The following QTMAN variants were observed in gnomAD, a reference collection of about 807,000 sequenced individuals.
The protein encoded by QTMAN is tRNA-queuosine alpha-mannosyltransferase.
At chr2:144,057,492 T>C in the QTMAN span, among the ~76,000 whole-genome samples, 1 of 152,232 alleles carries the variant, frequency 6.6e-6, no homozygotes, top group Non-Finnish European at 1.5e-5. Flanking sequence ...CCTCAAAAAA[T>C]CATGATGATC....
chr2:144,007,360 G>A, the QTMAN span: 1 of 1,613,140 alleles, frequency 6.2e-7, no homozygotes, highest in Non-Finnish European at 8.5e-7. Flanking sequence ...AAATATTCTT[G>A]TCGTGCAGTA....
chr2:144,266,187 G>C, the QTMAN span, among the ~76,000 whole-genome samples: 2 of 152,186 alleles, frequency 1.3e-5, no homozygotes, highest in African/African-American at 4.8e-5. Flanking sequence ...GAAAATGATG[G>C]AAAGGAAACT....
the QTMAN span, among the ~76,000 whole-genome samples, chr2:144,003,235 C>T: frequency 6.6e-6 from 1 of 151,692 alleles, no homozygotes; most frequent in African/African-American, 2.4e-5. Flanking sequence ...GTCTTGAGAC[C>T]AAAGAGTTTG....
the QTMAN span, among the ~76,000 whole-genome samples, chr2:143,965,054 C>G: frequency 4.0e-5 from 6 of 148,618 alleles, no homozygotes; most frequent in African/African-American, 7.5e-5. Context: ...GCATTTTGTT[C>G]TTCTTCTTTT....
the QTMAN span, among the ~76,000 whole-genome samples, chr2:144,234,832 GTGGGGGAGTGAGAACA>G: frequency 6.6e-6 from 1 of 152,314 alleles, no homozygotes; most frequent in African/African-American, 2.4e-5. Context: ...GAGAAAGGCA[GTGGGGGAGTGAGAACA>G]TGGGGAAGGA....
the QTMAN span, among the ~76,000 whole-genome samples, chr2:144,099,646 A>G: frequency 2.0e-5 from 3 of 152,148 alleles, no homozygotes; most frequent in Non-Finnish European, 4.4e-5. Flanking sequence ...TCTTCCATGT[A>G]TCCTGTACCT....
the QTMAN span, among the ~76,000 whole-genome samples, chr2:144,144,986 G>A: frequency 6.6e-6 from 1 of 151,302 alleles, no homozygotes; most frequent in Non-Finnish European, 1.5e-5. Context: ...TAACAATAGA[G>A]GACCATCACC....
the QTMAN span, among the ~76,000 whole-genome samples, chr2:144,076,500 A>T: frequency 6.6e-6 from 1 of 152,204 alleles, no homozygotes; most frequent in Non-Finnish European, 1.5e-5. Flanking sequence ...AATTGATGCC[A>T]CAGGACAGAC....
At chr2:144,167,964 A>C in the QTMAN span, among the ~76,000 whole-genome samples, 4 of 152,092 alleles carry the variant, frequency 2.6e-5, no homozygotes, top group Non-Finnish European at 5.9e-5. Flanking sequence ...ACAAAGATTG[A>C]GTATCTTCTT....
the QTMAN span, chr2:144,332,472 T>C: frequency 6.8e-6 from 1 of 147,718 alleles, no homozygotes; most frequent in Admixed American, 6.7e-5. Flanking sequence ...CTCTCCCTCC[T>C]GGCCACCGGC....
the QTMAN span, among the ~76,000 whole-genome samples, chr2:144,069,111 C>G: frequency 6.6e-6 from 1 of 152,018 alleles, no homozygotes; most frequent in Non-Finnish European, 1.5e-5. Flanking sequence ...TATAGAAATG[C>G]TCAACACATC....
chr2:144,198,195 C>A, the QTMAN span, among the ~76,000 whole-genome samples: 1 of 152,008 alleles, frequency 6.6e-6, no homozygotes, highest in Non-Finnish European at 1.5e-5. Context: ...CTACTATACT[C>A]CAATAGAGCA....
the QTMAN span, among the ~76,000 whole-genome samples, chr2:144,191,475 G>C: frequency 6.6e-6 from 1 of 152,134 alleles, no homozygotes; most frequent in African/African-American, 2.4e-5. Context: ...TGGAGTATTA[G>C]AAAATCGCCT....
chr2:144,323,304 TAAAAC>T, the QTMAN span, among the ~76,000 whole-genome samples: 2 of 152,192 alleles, frequency 1.3e-5, no homozygotes, highest in African/African-American at 4.8e-5. Flanking sequence ...CAGCAAATAT[TAAAAC>T]AAAGTATGCT....
At chr2:144,295,668 A>G in the QTMAN span, among the ~76,000 whole-genome samples, 1 of 152,168 alleles carries the variant, frequency 6.6e-6, no homozygotes, top group Non-Finnish European at 1.5e-5. Context: ...GCTGGAGTGC[A>G]GTGGCAAGAC....
the QTMAN span, among the ~76,000 whole-genome samples, chr2:144,139,748 A>G: frequency 6.6e-6 from 1 of 152,094 alleles, no homozygotes; most frequent in African/African-American, 2.4e-5. Flanking sequence ...GGTGACAGAC[A>G]TGCTCTGAGT....
At chr2:144,064,862 T>C in the QTMAN span, among the ~76,000 whole-genome samples, 2 of 152,200 alleles carry the variant, frequency 1.3e-5, no homozygotes, top group East Asian at 3.9e-4. Flanking sequence ...CCTAACAACA[T>C]AGATTGACTA....
chr2:144,157,835 T>C, the QTMAN span, among the ~76,000 whole-genome samples: 3 of 151,932 alleles, frequency 2.0e-5, no homozygotes, highest in Admixed American at 1.3e-4. Flanking sequence ...GGTATCTATA[T>C]AGTACATGCA....
At chr2:143,955,129 G>C in the QTMAN span, among the ~76,000 whole-genome samples, 1 of 152,248 alleles carries the variant, frequency 6.6e-6, no homozygotes, top group East Asian at 1.9e-4. Context: ...AGACACAGTT[G>C]TGACACCTGA....
Sources: allele counts gnomAD v4.1 joint callset (sites outside exome capture counted in the v4.1 genomes callset), GRCh38; gene constraint gnomAD v4.1.1; transcripts MANE v1.5; gene names NCBI Gene and HGNC (gene_info 2026-07-23, HGNC 2026-07-21).